The following CNTNAP2 variants were observed in gnomAD, a reference collection of about 807,000 sequenced individuals.
CNTNAP2 encodes contactin-associated protein-like 2.
CNTNAP2 carries 98 observed loss-of-function variants against 155.2 expected under a neutral mutation model. That is an observed-to-expected ratio of 0.63 (90% CI 0.54 to 0.75). The LOEUF is 0.75. Among genes scored for constraint, CNTNAP2 ranks in the 30% least tolerant of loss-of-function variants. The pLI, the probability that CNTNAP2 is intolerant of heterozygous loss-of-function variation, is 0.00. For synonymous variants in CNTNAP2, 651 were observed against 631.2 expected (o/e 1.03, Z -0.47); for missense variants, 1,727 against 1,688.1 (o/e 1.02, Z -0.40).
chr7:146,525,576 CTCTCTA>C (rs1797678877), intron 1 of CNTNAP2, among the ~76,000 whole-genome samples: 4 of 132,332 alleles, frequency 3.0e-5, no homozygotes, highest in African/African-American at 8.3e-5. Flanking sequence ...ATCTATCTAT[CTCTCTA>C]TCTATCATCT....
intron 3 of CNTNAP2, among the ~76,000 whole-genome samples, chr7:146,893,396 A>G (rs1431844424): frequency 6.6e-6 from 1 of 151,518 alleles, no homozygotes; most frequent in Non-Finnish European, 1.5e-5. Flanking sequence ...TATAGAGATC[A>G]TTTATTACAT....
At chr7:146,637,527 C>T (rs80144398) in intron 1 of CNTNAP2, among the ~76,000 whole-genome samples, 2,946 of 152,246 alleles carry the variant, frequency 0.019, 52 homozygotes, top group Middle Eastern at 0.075. Context: ...TGCTTTTCTA[C>T]GTTTCACCAC....
At chr7:146,427,199 G>A (rs369780678) in intron 1 of CNTNAP2, among the ~76,000 whole-genome samples, 1 of 151,984 alleles carries the variant, frequency 6.6e-6, no homozygotes, top group Non-Finnish European at 1.5e-5. Flanking sequence ...CACCTCCAAG[G>A]TCATATTTAC....
At chr7:148,318,732 T>C (rs1401375593) in intron 21 of CNTNAP2, among the ~76,000 whole-genome samples, 1 of 152,230 alleles carries the variant, frequency 6.6e-6, no homozygotes. Context: ...TTCCCTCCAT[T>C]AGGAGCTACA....
At chr7:148,167,623 A>G (rs888788196) in intron 17 of CNTNAP2, among the ~76,000 whole-genome samples, 10 of 152,220 alleles carry the variant, frequency 6.6e-5, no homozygotes, top group African/African-American at 2.4e-4. Flanking sequence ...GAGCCTGTGA[A>G]CCGTGAGCCA....
At chr7:147,558,596 C>T (rs1054742375) in intron 11 of CNTNAP2, among the ~76,000 whole-genome samples, 14 of 152,146 alleles carry the variant, frequency 9.2e-5, no homozygotes, top group African/African-American at 2.9e-4. Flanking sequence ...TTTCTGTAAG[C>T]GTTGATGAGG....
chr7:148,215,892 A>G (rs1795631299), intron 18 of CNTNAP2, among the ~76,000 whole-genome samples: 1 of 152,222 alleles, frequency 6.6e-6, no homozygotes, highest in Non-Finnish European at 1.5e-5. Context: ...CAAAATTCCC[A>G]GTTGGAAGAC....
intron 8 of CNTNAP2, among the ~76,000 whole-genome samples, chr7:147,294,616 T>C (rs545969668): frequency 6.6e-6 from 1 of 152,290 alleles, no homozygotes; most frequent in South Asian, 2.1e-4. Flanking sequence ...AGCTTATCAC[T>C]ACATTAATAT....
At chr7:148,344,814 T>G (rs1453943297) in intron 21 of CNTNAP2, among the ~76,000 whole-genome samples, 1 of 152,206 alleles carries the variant, frequency 6.6e-6, no homozygotes, top group Non-Finnish European at 1.5e-5. Flanking sequence ...TAAGTGCGTA[T>G]AAATCTAAGC....
At chr7:147,507,180 A>G (rs1158063379) in intron 11 of CNTNAP2, among the ~76,000 whole-genome samples, 2 of 152,154 alleles carry the variant, frequency 1.3e-5, no homozygotes, top group Non-Finnish European at 2.9e-5. Context: ...CCTACTCTCC[A>G]GAGAGCTTCT....
intron 3 of CNTNAP2, among the ~76,000 whole-genome samples, chr7:146,924,164 G>C (rs952281333): frequency 4.6e-5 from 7 of 152,166 alleles, no homozygotes; most frequent in Admixed American, 1.3e-4. Context: ...AGAGTGCCAG[G>C]CTGACACTCA....
chr7:146,623,635 A>G (rs1249446024), intron 1 of CNTNAP2, among the ~76,000 whole-genome samples: 1 of 152,154 alleles, frequency 6.6e-6, no homozygotes, highest in East Asian at 1.9e-4. Context: ...GTTGTATCAC[A>G]GTTTATCCAT....
intron 1 of CNTNAP2, among the ~76,000 whole-genome samples, chr7:146,699,516 G>T (rs981618941): frequency 6.6e-6 from 1 of 152,152 alleles, no homozygotes; most frequent in African/African-American, 2.4e-5. Context: ...ACCATCACAA[G>T]GGTTTCTCGG....
intron 9 of CNTNAP2, among the ~76,000 whole-genome samples, chr7:147,307,984 C>G (rs897872620): frequency 2.0e-5 from 3 of 152,144 alleles, no homozygotes; most frequent in Non-Finnish European, 4.4e-5. Flanking sequence ...AAACCAATAA[C>G]ATTGGTTAAA....
intron 10 of CNTNAP2, among the ~76,000 whole-genome samples, chr7:147,449,501 A>G (rs1455415090): frequency 6.6e-6 from 1 of 152,192 alleles, no homozygotes; most frequent in Non-Finnish European, 1.5e-5. Context: ...AGTAGACGAT[A>G]AGATATTATC....
intron 4 of CNTNAP2, among the ~76,000 whole-genome samples, chr7:147,105,610 G>A (rs193044454): frequency 4.6e-5 from 7 of 152,100 alleles, no homozygotes; most frequent in Non-Finnish European, 7.4e-5. Context: ...TACATGGTAT[G>A]TGTTAAAGTG....
At chr7:146,711,725 TTATG>T in intron 1 of CNTNAP2, among the ~76,000 whole-genome samples, 2 of 146,804 alleles carry the variant, frequency 1.4e-5, no homozygotes, top group East Asian at 4.0e-4. Flanking sequence ...TATACACATC[TTATG>T]TATACATATA....
chr7:146,450,477 T>G (rs2129122109), intron 1 of CNTNAP2, among the ~76,000 whole-genome samples: 1 of 152,338 alleles, frequency 6.6e-6, no homozygotes. Context: ...CTTGATTAAC[T>G]TATATGGGAC....
intron 1 of CNTNAP2, among the ~76,000 whole-genome samples, chr7:146,175,247 T>C (rs1798453320): frequency 6.6e-6 from 1 of 152,066 alleles, no homozygotes; most frequent in Admixed American, 6.6e-5. Flanking sequence ...GAGGCTGATA[T>C]TGTGAATCAT....
Sources: allele counts gnomAD v4.1 joint callset (sites outside exome capture counted in the v4.1 genomes callset), GRCh38; gene constraint gnomAD v4.1.1; transcripts MANE v1.5; gene names NCBI Gene and HGNC (gene_info 2026-07-23, HGNC 2026-07-21).